NRXN3: variants seen among roughly 807,000 people sequenced by gnomAD.
NRXN3 encodes neurexin 3.
A neutral mutation model predicts 137.6 loss-of-function variants in NRXN3; 32 were observed. The observed-to-expected ratio is 0.23, with a 90% CI of 0.18 to 0.31. The LOEUF is 0.31. NRXN3 is among the 10% of genes least tolerant of loss of function. The probability of loss-of-function intolerance (pLI) is 1.00; values close to 1 mark genes in which losing one functional copy is unlikely to be tolerated. For synonymous variants in NRXN3, 798 were observed against 784.5 expected (o/e 1.02, Z -0.29); for missense variants, 1,574 against 2,062.5 (o/e 0.76, Z 4.59).
chr14:79,184,124 C>T (rs1305917144), intron 15 of NRXN3, among the ~76,000 whole-genome samples: 1 of 152,162 alleles, frequency 6.6e-6, no homozygotes, highest in Non-Finnish European at 1.5e-5. Context: ...TGGGTGGGGT[C>T]CTTCATTTAG....
intron 15 of NRXN3, among the ~76,000 whole-genome samples, chr14:79,282,505 C>CTCTT (rs2081441501): frequency 6.6e-6 from 1 of 152,092 alleles, no homozygotes; most frequent in African/African-American, 2.4e-5. Context: ...CTCTCTCTCT[C>CTCTT]TCTCTCTCTC....
intron 4 of NRXN3, chr14:78,300,587 T>C: frequency 2.2e-6 from 2 of 906,774 alleles, no homozygotes; most frequent in Non-Finnish European, 3.4e-6. Context: ...TGTGCTGATG[T>C]TTGACTCTCC....
intron 16 of NRXN3, among the ~76,000 whole-genome samples, chr14:79,501,795 C>T (rs2096828761): frequency 6.6e-6 from 1 of 151,118 alleles, no homozygotes. Context: ...AAAACTGAGA[C>T]CCTAGGTTCA....
At chr14:79,859,601 G>C (rs2099410069) in intron 20 of NRXN3, among the ~76,000 whole-genome samples, 1 of 152,162 alleles carries the variant, frequency 6.6e-6, no homozygotes, top group Admixed American at 6.5e-5. Flanking sequence ...CTCTGGTACT[G>C]AATCACCTCC....
chr14:79,492,908 G>A (rs1240195458), intron 16 of NRXN3, among the ~76,000 whole-genome samples: 1 of 152,132 alleles, frequency 6.6e-6, no homozygotes, highest in Non-Finnish European at 1.5e-5. Context: ...TTTAATGTTG[G>A]AGATTCATTG....
chr14:78,392,041 C>T (rs746169980), intron 4 of NRXN3, among the ~76,000 whole-genome samples: 3 of 151,730 alleles, frequency 2.0e-5, no homozygotes, highest in Non-Finnish European at 2.9e-5. Context: ...GAAAGGAAAA[C>T]GTGACTATAA....
rs576142424 is a variant in NRXN3 at position 78,693,284 on chromosome 14, G to T, written c.1222-15933G>T. Among the ~76,000 whole-genome samples, 28 of 151,926 alleles carry T rather than the reference G, an allele frequency of 1.8e-4. 1 individual carries two copies. The highest frequency in any genetic ancestry group is 4.2e-4 in the South Asian group (2 of 4,786). ...GCTTTATCTCTGATATTTCTTTCTA[G>T]ACAGTTCCTCTCCTTTTTCATCATT... On this transcript the variant is annotated intron_variant, in intron 6 of 20. Transcript: ENST00000335750.
intron 15 of NRXN3, among the ~76,000 whole-genome samples, chr14:79,045,279 G>A (rs376269157): frequency 1.4e-4 from 21 of 152,028 alleles, no homozygotes; most frequent in Admixed American, 2.0e-4. Flanking sequence ...CTCAACAATC[G>A]GCAATCACTC....
At chr14:79,125,406 A>G (rs2056222965) in intron 15 of NRXN3, among the ~76,000 whole-genome samples, 1 of 152,216 alleles carries the variant, frequency 6.6e-6, no homozygotes, top group South Asian at 2.1e-4. Context: ...CCTGTGGGGA[A>G]ACAACAGGTA....
intron 2 of NRXN3, among the ~76,000 whole-genome samples, chr14:78,272,207 C>T (rs1201385717): frequency 6.6e-6 from 1 of 152,170 alleles, no homozygotes; most frequent in Admixed American, 6.5e-5. Context: ...TCCCTTCTCT[C>T]TTTGCTAGCA....
At chr14:78,613,055 C>G (rs2097313445) in intron 4 of NRXN3, among the ~76,000 whole-genome samples, 2 of 152,180 alleles carry the variant, frequency 1.3e-5, no homozygotes, top group Admixed American at 6.5e-5. Context: ...TCTGCCAGTT[C>G]AAATCCTTGC....
At chr14:78,251,968 G>T (rs976391074) in intron 2 of NRXN3, among the ~76,000 whole-genome samples, 4 of 152,008 alleles carry the variant, frequency 2.6e-5, no homozygotes, top group South Asian at 2.1e-4. Flanking sequence ...TGTCTCCCTG[G>T]TCTATTTGGG....
At chr14:78,900,884 A>T (rs2099193745) in intron 10 of NRXN3, among the ~76,000 whole-genome samples, 1 of 151,968 alleles carries the variant, frequency 6.6e-6, no homozygotes, top group Non-Finnish European at 1.5e-5. Flanking sequence ...TCCTCAAAAT[A>T]AGTCAGCCTG....
chr14:79,660,736 G>C (rs1189414701), intron 16 of NRXN3, among the ~76,000 whole-genome samples: 1 of 152,088 alleles, frequency 6.6e-6, no homozygotes, highest in Non-Finnish European at 1.5e-5. Flanking sequence ...GTGACTTAGG[G>C]GTGAATTGAA....
intron 15 of NRXN3, among the ~76,000 whole-genome samples, chr14:79,130,415 T>C (rs961033326): frequency 6.6e-6 from 1 of 152,118 alleles, no homozygotes; most frequent in Non-Finnish European, 1.5e-5. Context: ...CTGTAACGTA[T>C]TTTATTTCTC....
intron 8 of NRXN3, among the ~76,000 whole-genome samples, chr14:78,737,146 T>C (rs2098544615): frequency 6.6e-6 from 1 of 152,212 alleles, no homozygotes; most frequent in South Asian, 2.1e-4. Context: ...TCTGCTTGTC[T>C]ACCTACCGTT....
At chr14:78,761,453 G>C (rs562684260) in intron 8 of NRXN3, among the ~76,000 whole-genome samples, 1 of 152,082 alleles carries the variant, frequency 6.6e-6, no homozygotes, top group African/African-American at 2.4e-5. Context: ...TTTCCAGAGG[G>C]GATTTTGCAG....
chr14:78,680,455 G>A (rs531847198), intron 6 of NRXN3, among the ~76,000 whole-genome samples: 2 of 152,204 alleles, frequency 1.3e-5, no homozygotes, highest in East Asian at 1.9e-4. Context: ...AATAAGAGAC[G>A]ACAGGTTCTT....
At chr14:78,898,554 CGTGTGTGTGTGTGTGTGTGT>C (rs66861661) in intron 10 of NRXN3, among the ~76,000 whole-genome samples, 11 of 136,262 alleles carry the variant, frequency 8.1e-5, no homozygotes, top group African/African-American at 1.1e-4. Flanking sequence ...AGCTGGGTTT[CGTGTGTGTGTGTGTGTGTGT>C]GTGTGTGTGT....
Sources: allele counts gnomAD v4.1 joint callset (sites outside exome capture counted in the v4.1 genomes callset), GRCh38; gene constraint gnomAD v4.1.1; transcripts MANE v1.5; gene names NCBI Gene and HGNC (gene_info 2026-07-23, HGNC 2026-07-21).